The following SH3BGR variants were observed in gnomAD, a reference collection of about 807,000 sequenced individuals.
SH3BGR encodes SH3 domain binding glutamate rich protein.
Under a neutral mutation model 24.5 loss-of-function variants are expected in SH3BGR, and 29 were observed. That is an observed-to-expected ratio of 1.18 (90% CI 0.88 to 1.61). The LOEUF (loss-of-function observed/expected upper bound fraction) is 1.61. SH3BGR is among the 40% of genes most tolerant of loss of function. SH3BGR has a pLI of 0.00. For missense variants in SH3BGR, 162 were observed against 205.8 expected, an observed-to-expected ratio of 0.79 and a Z score of 1.30; for synonymous variants, 55 against 65.7, an observed-to-expected ratio of 0.84 and a Z score of 0.79.
Position 39,482,265 on chromosome 21 carries a change from C to G in SH3BGR, c.312+7050C>G, listed in dbSNP as rs192966689. Among the ~76,000 whole-genome samples the G allele has an allele frequency of 1.4e-3, 206 of 152,150 alleles. 2 individuals are homozygous for G. Among genetic ancestry groups the G allele is most frequent in the African/African-American group, 4.5e-3 (187 of 41,500 alleles). On this transcript the variant is annotated intron_variant, in intron 3 of 6. Transcript: ENST00000333634. ...TGGAACATTCTTCAAGATAACTGAC[C>G]CAGATTCTTAAAACATTCAGTGTCA...
rs531947322 is a variant in SH3BGR, at chr21:39,471,639, A to T, written c.232-3496A>T. 1.1e-3 allele frequency among the ~76,000 whole-genome samples: 169 copies of T among 151,996 alleles called. 1 individual carries two copies. The highest frequency in any genetic ancestry group is 3.7e-3 in the African/African-American group (155 of 41,456). On this transcript the variant is annotated intron_variant, in intron 2 of 6. Transcript: ENST00000333634. ...GTTTGTTTATTTATTTATTATTTTTAAAAATAGAGACAGAGTCTTGCTATG... is the reference window on the plus strand; with the variant it reads ...GTTTGTTTATTTATTTATTATTTTTTAAAATAGAGACAGAGTCTTGCTATG...
intron 2 of SH3BGR, among the ~76,000 whole-genome samples, chr21:39,471,535 A>T (rs979048649): frequency 6.6e-6 from 1 of 152,168 alleles, no homozygotes; most frequent in African/African-American, 2.4e-5. Flanking sequence ...AGCTCTTCTC[A>T]CACTGTTTTC....
intron 3 of SH3BGR, among the ~76,000 whole-genome samples, chr21:39,477,143 T>G (rs1035365092): frequency 1.3e-5 from 2 of 152,224 alleles, no homozygotes; most frequent in South Asian, 4.1e-4. Flanking sequence ...TCTATTACAC[T>G]GATGTATCAT....
At chr21:39,480,282 G>C (rs1174519866) in intron 3 of SH3BGR, among the ~76,000 whole-genome samples, 1 of 152,146 alleles carries the variant, frequency 6.6e-6, no homozygotes, top group Non-Finnish European at 1.5e-5. Context: ...CACCACCACT[G>C]TCTACTTCCA....
chr21:39,454,567 G>A (rs1036791481), intron 1 of SH3BGR, among the ~76,000 whole-genome samples: 2 of 152,170 alleles, frequency 1.3e-5, no homozygotes, highest in Admixed American at 1.3e-4. Context: ...CAGTGGGGCA[G>A]GGGGGACAAA....
intron 6 of SH3BGR, among the ~76,000 whole-genome samples, 197 bp downstream of exon 6, chr21:39,512,006 T>A (rs772665162): frequency 5.3e-5 from 8 of 152,160 alleles, no homozygotes; most frequent in Non-Finnish European, 1.0e-4. Context: ...CTTTCGTGGG[T>A]CTGTTTCTTG....
At chr21:39,477,439 T>C (rs1226935776) in intron 3 of SH3BGR, among the ~76,000 whole-genome samples, 1 of 152,228 alleles carries the variant, frequency 6.6e-6, no homozygotes, top group Non-Finnish European at 1.5e-5. Context: ...TCCAGCATAA[T>C]ATTTTTTCAC....
At chr21:39,481,060 CT>C (rs1369232355) in intron 3 of SH3BGR, among the ~76,000 whole-genome samples, 1 of 152,162 alleles carries the variant, frequency 6.6e-6, no homozygotes, top group East Asian at 1.9e-4. Context: ...TCTTTTTGTG[CT>C]GTATTTTCAA....
intron 4 of SH3BGR, among the ~76,000 whole-genome samples, chr21:39,505,862 T>A (rs1602171601): frequency 6.6e-6 from 1 of 152,322 alleles, no homozygotes; most frequent in Admixed American, 6.5e-5. Flanking sequence ...CCCCCCAGGC[T>A]AGCTCTACGG....
chr21:39,481,860 A>G (rs889257400), intron 3 of SH3BGR, among the ~76,000 whole-genome samples: 20 of 152,356 alleles, frequency 1.3e-4, no homozygotes, highest in African/African-American at 4.8e-4. Context: ...TAATGAATAG[A>G]TAATAAAACT....
At chr21:39,458,616 G>A (rs2077703957) in intron 1 of SH3BGR, among the ~76,000 whole-genome samples, 1 of 149,352 alleles carries the variant, frequency 6.7e-6, no homozygotes, top group African/African-American at 2.5e-5. Context: ...GGGATTATAG[G>A]CATGAGCCAC....
At chr21:39,501,740 A>T (rs2078497450) in intron 4 of SH3BGR, among the ~76,000 whole-genome samples, 1 of 152,240 alleles carries the variant, frequency 6.6e-6, no homozygotes, top group African/African-American at 2.4e-5. Context: ...AACATGATTA[A>T]CCCTTATGAG....
At chr21:39,488,538 C>T in intron 3 of SH3BGR, 1 of 365,856 alleles carries the variant, frequency 2.7e-6, no homozygotes, top group East Asian at 7.7e-5. Flanking sequence ...GCACTTCCTG[C>T]CCATGCTGCA....
chr21:39,460,558 C>T (rs1053188484), intron 1 of SH3BGR, among the ~76,000 whole-genome samples: 1 of 152,006 alleles, frequency 6.6e-6, no homozygotes, highest in Non-Finnish European at 1.5e-5. Context: ...CAACCTCCGC[C>T]TCCCAGGTTC....
chr21:39,446,075 G>A (rs1490082061), exon 1 of SH3BGR: 1 of 152,058 alleles, frequency 6.6e-6, no homozygotes, highest in African/African-American at 2.4e-5. Flanking sequence ...GGCTCTGTCA[G>A]TCTTAGGTAA....
intron 6 of SH3BGR, among the ~76,000 whole-genome samples, chr21:39,513,128 A>G (rs974383051): frequency 1.3e-5 from 2 of 152,202 alleles, no homozygotes; most frequent in Non-Finnish European, 2.9e-5. Context: ...TATTCTCTAA[A>G]TGAGAGACAC....
At chr21:39,460,987 T>C (rs2077745386) in intron 1 of SH3BGR, among the ~76,000 whole-genome samples, 1 of 152,126 alleles carries the variant, frequency 6.6e-6, no homozygotes, top group South Asian at 2.1e-4. Flanking sequence ...CCCAATCCCT[T>C]GTCTTCCCAA....
intron 2 of SH3BGR, among the ~76,000 whole-genome samples, chr21:39,464,269 C>T (rs1229168991): frequency 6.6e-6 from 1 of 152,166 alleles, no homozygotes; most frequent in African/African-American, 2.4e-5. Flanking sequence ...GTCTCCCAGG[C>T]TGGAGTGCAG....
rs78566114 is a variant in SH3BGR, at chr21:39,500,751, G to A, written c.405+836G>A. Among the ~76,000 whole-genome samples, 528 of 152,232 alleles carry A rather than the reference G, an allele frequency of 3.5e-3. 4 individuals are homozygous for A. Among genetic ancestry groups the A allele is most frequent in the African/African-American group, 0.012 (498 of 41,526 alleles). ...TTTATTTATTCTGGGAGAGGTGTGG[G>A]AGCTTTTATGAGAGCTGGATCCTCA... On this transcript the variant is annotated intron_variant, in intron 4 of 6. Coordinates refer to ENST00000333634, the MANE Select transcript of SH3BGR (RefSeq NM_007341.3).
Sources: allele counts gnomAD v4.1 joint callset (sites outside exome capture counted in the v4.1 genomes callset), GRCh38; gene constraint gnomAD v4.1.1; transcripts MANE v1.5; gene names NCBI Gene and HGNC (gene_info 2026-07-23, HGNC 2026-07-21).